Variants in TMEM233 observed in about 807,000 individuals in gnomAD.
TMEM233 encodes transmembrane protein 233, also known as dispanin subfamily B member 2.
In TMEM233, 6 loss-of-function variants were observed where a neutral mutation model predicts 11.2. The ratio of observed to expected loss-of-function variants is 0.54; its 90% CI spans 0.29 to 1.06. The LOEUF (loss-of-function observed/expected upper bound fraction) is 1.06. Ranked by LOEUF, TMEM233 falls within the 50% of genes least tolerant of loss-of-function variation. TMEM233 has a pLI of 0.08. For synonymous variants in TMEM233, 59 were observed against 55.8 expected (o/e 1.06, Z -0.26); for missense variants, 127 against 144.7 (o/e 0.88, Z 0.63).
At chr12:119,604,084 G>A (rs7304294) in intron 1 of TMEM233, among the ~76,000 whole-genome samples, 56,449 of 152,030 alleles carry the variant, frequency 0.37, 11,567 homozygotes, top group African/African-American at 0.52. Context: ...TTCTCAGCTC[G>A]TTAGTTCAGG....
chr12:119,618,109 T>C (rs1954572394), intron 1 of TMEM233, among the ~76,000 whole-genome samples: 1 of 152,186 alleles, frequency 6.6e-6, no homozygotes, highest in Non-Finnish European at 1.5e-5. Context: ...GGAGCCAAGG[T>C]ACAGCTTGGA....
chr12:119,640,481 G>A (rs1336506396), intron 2 of TMEM233, among the ~76,000 whole-genome samples: 6 of 152,030 alleles, frequency 3.9e-5, no homozygotes, highest in Non-Finnish European at 7.4e-5. Flanking sequence ...TTTTTTGCAC[G>A]TACCACATGT....
At chr12:119,650,260 A>G in the TMEM233 span, among the ~76,000 whole-genome samples, 2 of 152,114 alleles carry the variant, frequency 1.3e-5, no homozygotes, top group Non-Finnish European at 1.5e-5. Context: ...TTTGATCATT[A>G]TTAACAACCC....
chr12:119,615,455 A>G (rs1477207887), intron 1 of TMEM233, among the ~76,000 whole-genome samples: 1 of 152,182 alleles, frequency 6.6e-6, no homozygotes, highest in Non-Finnish European at 1.5e-5. Flanking sequence ...TCAAAAAAAA[A>G]TTCTGATGCT....
rs1286604435 is a variant in TMEM233 at position 119,593,812 on chromosome 12, G to A, written c.-37G>A. Reference sequence around the variant, plus strand: ...CAGAGCCCCAGACCACACAGACCGTGCGCTCCTCCGCCCTCCCGGCGCCGC... The same window carrying A: ...CAGAGCCCCAGACCACACAGACCGTACGCTCCTCCGCCCTCCCGGCGCCGC... On this transcript the variant is annotated 5_prime_UTR_variant, in exon 1 of 3. Coordinates refer to ENST00000426426, the MANE Select transcript of TMEM233 (RefSeq NM_001136534.3). The surrounding 1 kb of genome is among the most constrained non-coding windows in gnomAD (Gnocchi z 4.1). 4 of 1,544,418 alleles carry A rather than the reference G, an allele frequency of 2.6e-6. No homozygotes were observed. Among genetic ancestry groups the A allele is most frequent in the Non-Finnish European group, 3.5e-6 (4 of 1,142,658 alleles).
chr12:119,610,954 C>T (rs1954385983), intron 1 of TMEM233, among the ~76,000 whole-genome samples: 1 of 152,096 alleles, frequency 6.6e-6, no homozygotes, highest in Admixed American at 6.5e-5. Flanking sequence ...TATATGTCCT[C>T]TTTCACTTAG....
rs553645077 is a variant in TMEM233 at position 119,634,879 on chromosome 12, T to C, written c.323+5007T>C. ...TTACAGGATATCTATGTAAGCCACA[T>C]GGTGGCTGGGGCAATGAAACACGGG... On this transcript the variant is annotated intron_variant, in intron 2 of 2. Coordinates refer to ENST00000426426, the MANE Select transcript of TMEM233 (RefSeq NM_001136534.3). Among the ~76,000 whole-genome samples, 5 of 152,312 alleles carry C rather than the reference T, an allele frequency of 3.3e-5. No homozygotes were observed. In the South Asian group the frequency reaches 1.0e-3, roughly 32 times the overall value.
At chr12:119,614,992 T>C (rs1236899200) in intron 1 of TMEM233, among the ~76,000 whole-genome samples, 1 of 151,724 alleles carries the variant, frequency 6.6e-6, no homozygotes, top group Non-Finnish European at 1.5e-5. Flanking sequence ...CCCTCTCCTC[T>C]CTCTTTCACT....
Position 119,642,560 on chromosome 12 carries a change from G to T in TMEM233, c.*1855G>T, listed in dbSNP as rs975691746. The T allele has an allele frequency of 2.0e-5, 3 of 152,080 alleles. No homozygotes were observed. The South Asian group carries it at 6.2e-4, about 32-fold the overall frequency. The allele number at this position is 152,080 out of a possible 1,614,324, so 9.4% of individuals were successfully genotyped here. ...CTAGTTCCAACGCCCTTTTGTTTTT[G>T]CAGGGTTTTTATTGGCCACTAACTA... On this transcript the variant is annotated 3_prime_UTR_variant, in exon 3 of 3. Transcript: ENST00000426426.
At chr12:119,651,063 T>C in the TMEM233 span, among the ~76,000 whole-genome samples, 1 of 152,244 alleles carries the variant, frequency 6.6e-6, no homozygotes, top group Non-Finnish European at 1.5e-5. Context: ...TGTTGAAGGA[T>C]ATGAGTCCAT....
At chr12:119,620,610 C>A (rs1954621620) in intron 1 of TMEM233, among the ~76,000 whole-genome samples, 1 of 152,128 alleles carries the variant, frequency 6.6e-6, no homozygotes, top group South Asian at 2.1e-4. Context: ...ATAGAACTCA[C>A]AATGTTTCTA....
At chr12:119,629,640 A>G (rs1954837000) in intron 1 of TMEM233, 96 bp from the exon 2 acceptor site, 2 of 1,290,200 alleles carry the variant, frequency 1.6e-6, no homozygotes, top group East Asian at 5.2e-5. Flanking sequence ...GTCACCAGAG[A>G]GCTCTTGGAA....
intron 1 of TMEM233, among the ~76,000 whole-genome samples, chr12:119,598,543 CT>C (rs1954094365): frequency 6.6e-6 from 1 of 152,124 alleles, no homozygotes; most frequent in African/African-American, 2.4e-5. Flanking sequence ...GACAGTAGTA[CT>C]TTGAGTCTTT....
chr12:119,608,982 C>T lies in TMEM233; in HGVS notation c.186+14948C>T, dbSNP rs144775229. On this transcript the variant is annotated intron_variant, in intron 1 of 2. Transcript: ENST00000426426. ...GGAGTGGGGCGCTGCTATAAGGATA[C>T]GCAAAAATGTGGAAGCAACTTTGGA... Among the ~76,000 whole-genome samples the T allele has an allele frequency of 6.0e-3, 908 of 152,052 alleles. 10 individuals carry two copies. The highest frequency in any genetic ancestry group is 0.019 in the African/African-American group (804 of 41,432).
rs1955087123 is a variant in TMEM233, at chr12:119,641,809, C to G, written c.*1104C>G. 1 of 152,068 alleles carries G rather than the reference C, an allele frequency of 6.6e-6. No individual in the cohort carries two copies. Among genetic ancestry groups the G allele is most frequent in the African/African-American group, 2.4e-5 (1 of 41,406 alleles). 9.4% of individuals were successfully genotyped at this position (152,068 alleles called of 1,614,324 possible). A position where few individuals can be genotyped will look rare whatever the true frequency, so the allele number is the denominator to read the frequency against. On this transcript the variant is annotated 3_prime_UTR_variant, in exon 3 of 3. Transcript: ENST00000426426. ...TTCCCCTTTTCTATTCTTTTTTCAT[C>G]CTGATTACAGCAAGGAAAAAGTCTC...
intron 1 of TMEM233, among the ~76,000 whole-genome samples, chr12:119,624,364 A>T (rs139589550): frequency 6.6e-6 from 1 of 152,042 alleles, no homozygotes; most frequent in Non-Finnish European, 1.5e-5. Flanking sequence ...CATCTCAAAA[A>T]AAAAAAAATT....
intron 1 of TMEM233, among the ~76,000 whole-genome samples, chr12:119,612,129 G>A (rs1448830891): frequency 6.6e-6 from 1 of 152,090 alleles, no homozygotes; most frequent in Non-Finnish European, 1.5e-5. Flanking sequence ...GAGTAGCTGG[G>A]ACTACAGGCA....
At chr12:119,614,411 CGAGAGAGA>C (rs57846015) in intron 1 of TMEM233, among the ~76,000 whole-genome samples, 13 of 143,548 alleles carry the variant, frequency 9.1e-5, no homozygotes, top group African/African-American at 3.1e-4. Context: ...TCCATCTCAA[CGAGAGAGA>C]GAGAGAGAGA....
At chr12:119,624,878 A>T (rs557230320) in intron 1 of TMEM233, among the ~76,000 whole-genome samples, 1 of 152,172 alleles carries the variant, frequency 6.6e-6, no homozygotes, top group African/African-American at 2.4e-5. Context: ...CACACAAAAA[A>T]CATGTGCCAC....
Sources: allele counts gnomAD v4.1 joint callset (sites outside exome capture counted in the v4.1 genomes callset), GRCh38; gene constraint gnomAD v4.1.1; non-coding constraint Gnocchi (gnomAD v3.1); transcripts MANE v1.5; gene names NCBI Gene and HGNC (gene_info 2026-07-23, HGNC 2026-07-21).